The following COL4A2 variants were observed in gnomAD, a reference collection of about 807,000 sequenced individuals.
COL4A2 encodes the protein collagen type IV alpha 2 chain, also known as collagen alpha-2(IV) chain.
Under a neutral mutation model 200.2 loss-of-function variants are expected in COL4A2, and 99 were observed. That is an observed-to-expected ratio of 0.49 (90% CI 0.42 to 0.58). The LOEUF (loss-of-function observed/expected upper bound fraction) is 0.58. COL4A2 is among the 20% of genes least tolerant of loss of function. COL4A2 has a pLI of 0.00. For synonymous variants in COL4A2, 897 were observed against 900.6 expected (o/e 1.00, Z 0.07); for missense variants, 1,950 against 2,314.1 (o/e 0.84, Z 3.23).
At position 110,511,635 on chromosome 13, in the gene COL4A2, C is replaced by G. The variant is rs538433884; in HGVS notation, c.4882-299C>G. The stretch of plus-strand genomic sequence containing the variant: ...AATGCAGTGGATTATATCTACCGCT[C>G]GTATCTGCTGTCACGGCTCTAGTTC... On this transcript the variant is annotated intron_variant, in intron 47 of 47. Coordinates refer to ENST00000360467, the MANE Select transcript of COL4A2 (RefSeq NM_001846.4). Among the ~76,000 whole-genome samples the G allele has an allele frequency of 5.3e-5, 8 of 152,330 alleles. No homozygotes were observed. In the East Asian group the frequency reaches 1.5e-3, roughly 29 times the overall value.
In COL4A2 at chr13:110,474,632, A is replaced by G. The variant is rs1189148461; in HGVS notation, c.2425+1482A>G. On this transcript the variant is annotated intron_variant, in intron 29 of 47. Transcript: ENST00000360467. ...CATGATCACATACACACATGCAGAT[A>G]CCTACACACGTGCCTATGCATGCTC... is the stretch of plus-strand genomic sequence containing the variant. Among the ~76,000 whole-genome samples, 5 of 152,164 alleles carry G rather than the reference A, an allele frequency of 3.3e-5. 1 individual carries two copies. The highest frequency in any genetic ancestry group is 3.2e-3 in the Middle Eastern group (1 of 314).
Position 110,449,766 on chromosome 13 carries a change from C to G in COL4A2, c.1166C>G (p.Pro389Arg). The G allele has an allele frequency of 1.3e-6, 2 of 1,548,696 alleles. No homozygotes were observed. Among genetic ancestry groups the G allele is most frequent in the Non-Finnish European group, 1.7e-6 (2 of 1,146,666 alleles). Residue 389 changes from proline (P) to arginine (R), a missense_variant, in exon 19 of 48, where the codon CCT becomes CGT. Coordinates refer to ENST00000360467, the MANE Select transcript of COL4A2 (RefSeq NM_001846.4). Reference sequence around the variant, plus strand: ...GGAGACCCGGGCCTCCCAGGTCCCCCTGGCCTCTCCATCGGAGATGGAGGT... The same window carrying G: ...GGAGACCCGGGCCTCCCAGGTCCCCGTGGCCTCTCCATCGGAGATGGAGGT... ...EPGDPGLPGP[P>R]GLSIGDGDQR...
At chr13:110,342,926 T>A (rs1212235276) in intron 3 of COL4A2, among the ~76,000 whole-genome samples, 1 of 152,078 alleles carries the variant, frequency 6.6e-6, no homozygotes, top group Non-Finnish European at 1.5e-5. Context: ...ACTAGAAAAA[T>A]CAACTGTCTT....
intron 4 of COL4A2, among the ~76,000 whole-genome samples, chr13:110,401,848 G>C (rs1048068532): frequency 6.6e-6 from 1 of 152,170 alleles, no homozygotes; most frequent in African/African-American, 2.4e-5. Flanking sequence ...ATGAGATCCA[G>C]GATTCATAGA....
chr13:110,340,284 T>C (rs1179655025), intron 3 of COL4A2, among the ~76,000 whole-genome samples: 7 of 152,156 alleles, frequency 4.6e-5, no homozygotes, highest in Admixed American at 2.0e-4. Context: ...ACCCGGCTAA[T>C]TTTTGTATTT....
At chr13:110,314,432 A>T (rs1885079251) in intron 3 of COL4A2, among the ~76,000 whole-genome samples, 1 of 152,206 alleles carries the variant, frequency 6.6e-6, no homozygotes, top group African/African-American at 2.4e-5. Flanking sequence ...GAGTAAGTGA[A>T]CAGAAGTCTC....
At chr13:110,335,054 C>G (rs1876112800) in intron 3 of COL4A2, among the ~76,000 whole-genome samples, 1 of 152,138 alleles carries the variant, frequency 6.6e-6, no homozygotes, top group Non-Finnish European at 1.5e-5. Context: ...GGCATCTTCC[C>G]TCTGCAGAGG....
At position 110,503,101 on chromosome 13, in the gene COL4A2, C is replaced by G. The variant is rs1566570964; in HGVS notation, c.3878-20C>G. On this transcript the variant is annotated intron_variant, in intron 41 of 47. Coordinates refer to ENST00000360467, the MANE Select transcript of COL4A2 (RefSeq NM_001846.4). ...TGGGGCCCTGTTTAAACCCTCCTTT[C>G]TTGTCCCTAATGCCAACAGGTTATC... 1 of 1,611,732 alleles carries G rather than the reference C, an allele frequency of 6.2e-7. No individual in the cohort carries two copies. Among genetic ancestry groups the G allele is most frequent in the Admixed American group, 1.7e-5 (1 of 59,148 alleles).
intron 3 of COL4A2, among the ~76,000 whole-genome samples, chr13:110,316,737 G>T (rs527948642): frequency 6.0e-4 from 92 of 152,300 alleles, no homozygotes; most frequent in Admixed American, 2.4e-3. Context: ...GTGCAGGAAG[G>T]CACCTGGTAG....
rs954435678 is a variant in COL4A2 at position 110,512,421 on chromosome 13, C to T, written c.*230C>T. On this transcript the variant is annotated 3_prime_UTR_variant, in exon 48 of 48. Transcript: ENST00000360467. Reference sequence around the variant, plus strand: ...CACAGAAAGCCAGGAGCAGCCCTGGCCCCCATCAGCCCTGCTAGACGCACC... The same window carrying T: ...CACAGAAAGCCAGGAGCAGCCCTGGTCCCCATCAGCCCTGCTAGACGCACC... The T allele has an allele frequency of 3.0e-6, 2 of 669,978 alleles. No individual in the cohort carries two copies. The highest frequency in any genetic ancestry group is 4.1e-5 in the South Asian group (2 of 49,146). 41.5% of individuals were successfully genotyped at this position (669,978 alleles called of 1,614,324 possible).
intron 40 of COL4A2, among the ~76,000 whole-genome samples, chr13:110,499,881 A>G (rs1883584889): frequency 1.3e-5 from 2 of 152,346 alleles, no homozygotes; most frequent in Admixed American, 6.5e-5. Flanking sequence ...GGAGTCTGCC[A>G]TTATTTACTG....
chr13:110,495,105 G>A (rs545492796), intron 39 of COL4A2, among the ~76,000 whole-genome samples: 1 of 152,330 alleles, frequency 6.6e-6, no homozygotes, highest in African/African-American at 2.4e-5. Flanking sequence ...TGAACCCTCT[G>A]ATGGGCCTCG....
chr13:110,307,749 G>C lies in COL4A2; in HGVS notation c.-44-111G>C. ...GGGGGACGGCCCTCCGGTCACCCCT[G>C]CATGCGGGCCGCGCACCGCGCTGTC... is the stretch of plus-strand genomic sequence containing the variant. On this transcript the variant is annotated intron_variant, in intron 1 of 47. Coordinates refer to ENST00000360467, the MANE Select transcript of COL4A2 (RefSeq NM_001846.4). The surrounding 1 kb of genome is among the most constrained non-coding windows in gnomAD (Gnocchi z 5.0). 1 of 1,028,902 alleles carries C rather than the reference G, an allele frequency of 9.7e-7. No individual in the cohort carries two copies. The highest frequency in any genetic ancestry group is 1.7e-5 in the South Asian group (1 of 60,208). The allele number at this position is 1,028,902 out of a possible 1,614,324, so 63.7% of individuals were successfully genotyped here.
rs764770854 is a variant in COL4A2, at chr13:110,512,053, C to T, written c.5001C>T (p.Tyr1667=). The T allele has an allele frequency of 6.8e-6, 11 of 1,613,858 alleles. No individual in the cohort carries two copies. Among genetic ancestry groups the T allele is most frequent in the South Asian group, 1.1e-5 (1 of 91,086 alleles). Reference sequence around the variant, plus strand: ...ATGGAGGCCGCGGCACCTGCCACTACTACGCCAACAAGTACAGCTTCTGGC... The same window carrying T: ...ATGGAGGCCGCGGCACCTGCCACTATTACGCCAACAAGTACAGCTTCTGGC... ...ECNGGRGTCH[Y]YANKYSFWLT... Residue 1667 remains tyrosine (Y), a synonymous_variant, in exon 48 of 48, where the codon TAC becomes TAT. Transcript: ENST00000360467.
In COL4A2 at chr13:110,505,168, G is replaced by A. The variant is rs553514255; in HGVS notation, c.4402+904G>A. On this transcript the variant is annotated intron_variant, in intron 45 of 47. Transcript: ENST00000360467. ...GATCGAGACCATCCTGGCTAACACGGTGAAACCCCGTCTCTACTAAAAATA... is the reference window on the plus strand; with the variant it reads ...GATCGAGACCATCCTGGCTAACACGATGAAACCCCGTCTCTACTAAAAATA... Among the ~76,000 whole-genome samples, 386 of 151,334 alleles carry A rather than the reference G, an allele frequency of 2.6e-3. 3 individuals are homozygous for A. The highest frequency in any genetic ancestry group is 2.8e-3 in the Non-Finnish European group (192 of 67,776).
intron 3 of COL4A2, 134 bp from the exon 4 acceptor site, chr13:110,357,338 A>C (rs1011510235): frequency 3.7e-6 from 5 of 1,351,402 alleles, no homozygotes; most frequent in Non-Finnish European, 5.0e-6. Context: ...CTATTTTTTT[A>C]AAAAAGCCTT....
intron 4 of COL4A2, among the ~76,000 whole-genome samples, chr13:110,385,860 G>GCGTGTGGATAGGCTGTGGTTA (rs1566505457): frequency 0.018 from 37 of 2,020 alleles, no homozygotes; most frequent in East Asian, 0.096. Context: ...GGCCGTGGTT[G>GCGTGTGGATAGGCTGTGGTTA]CAGCGTGTGG....
chr13:110,506,306 A>ACT lies in COL4A2; in HGVS notation c.4403-93_4403-92dup, dbSNP rs780165751. 1,338 of 915,526 alleles carry ACT rather than the reference A, an allele frequency of 1.5e-3. 25 individuals are homozygous for ACT. The African/African-American group carries it at 0.026, about 18-fold the overall frequency. 56.7% of individuals were successfully genotyped at this position (915,526 alleles called of 1,614,324 possible). On this transcript the variant is annotated intron_variant, in intron 45 of 47. Transcript: ENST00000360467. ...GGGCTGCAGGTGCACCAGGCCGTCC[A>ACT]CTCTCTCTCTCTCTCTCAGGCTGTA...
At chr13:110,501,581 C>T (rs997186675) in intron 40 of COL4A2, 87 bp from the exon 41 acceptor site, 4 of 1,186,104 alleles carry the variant, frequency 3.4e-6, no homozygotes, top group African/African-American at 3.0e-5. Context: ...CTCTGGTCCA[C>T]CACAGGTGAT....
Sources: allele counts gnomAD v4.1 joint callset (sites outside exome capture counted in the v4.1 genomes callset), GRCh38; gene constraint gnomAD v4.1.1; non-coding constraint Gnocchi (gnomAD v3.1); transcripts MANE v1.5; gene names NCBI Gene and HGNC (gene_info 2026-07-23, HGNC 2026-07-21).